Variants in DPCD observed in about 807,000 individuals in gnomAD.
DPCD encodes protein DPCD.
A neutral mutation model predicts 26.4 loss-of-function variants in DPCD; 20 were observed. The observed-to-expected ratio is 0.76, with a 90% CI of 0.53 to 1.10. The LOEUF (loss-of-function observed/expected upper bound fraction) is 1.10, where lower values mean the gene tolerates loss of function less well. Ranked by LOEUF, DPCD falls within the 50% of genes least tolerant of loss-of-function variation. The pLI is 0.00. For missense variants in DPCD, 202 were observed against 253.9 expected, an observed-to-expected ratio of 0.80 and a Z score of 1.39; for synonymous variants, 97 against 94.2, an observed-to-expected ratio of 1.03 and a Z score of -0.17.
intron 5 of DPCD, 128 bp downstream of exon 5, chr10:101,609,065 G>A: frequency 1.2e-6 from 1 of 824,616 alleles, no homozygotes. Context: ...GGGAGAATAG[G>A]CATCTCTAAT....
intron 4 of DPCD, among the ~76,000 whole-genome samples, chr10:101,602,060 G>T (rs2063702537): frequency 1.3e-5 from 2 of 152,228 alleles, no homozygotes; most frequent in Non-Finnish European, 2.9e-5. Flanking sequence ...ACAATGCCCT[G>T]TGTGAGGCCT....
intron 1 of DPCD, among the ~76,000 whole-genome samples, chr10:101,592,523 C>T (rs751010241): frequency 2.6e-5 from 4 of 151,698 alleles, no homozygotes; most frequent in Non-Finnish European, 4.4e-5. Context: ...AGTTTGAGAT[C>T]AGTCTGGGTA....
chr10:101,605,192 G>A (rs1017914665), intron 4 of DPCD: 1 of 1,550,350 alleles, frequency 6.5e-7, no homozygotes, highest in Admixed American at 2.0e-5. Flanking sequence ...GTGTGCAGGT[G>A]TGCATGGCAC....
chr10:101,605,274 G>A, intron 4 of DPCD: 1 of 1,542,458 alleles, frequency 6.5e-7, no homozygotes, highest in Non-Finnish European at 8.7e-7. Flanking sequence ...TCAGCCTCCA[G>A]AGTCTCTCTC....
At chr10:101,608,115 TTAAA>T (rs2063745625) in intron 4 of DPCD, among the ~76,000 whole-genome samples, 2 of 152,134 alleles carry the variant, frequency 1.3e-5, no homozygotes, top group Non-Finnish European at 2.9e-5. Flanking sequence ...TTTTTTTTAA[TTAAA>T]AGGCATCATT....
intron 1 of DPCD, among the ~76,000 whole-genome samples, chr10:101,592,852 A>G (rs916218567): frequency 2.6e-5 from 4 of 151,952 alleles, no homozygotes; most frequent in African/African-American, 9.7e-5. Context: ...TGTGTCTACT[A>G]AAAATACAAA....
At position 101,600,815 on chromosome 10, in the gene DPCD, G is replaced by A. The variant is rs201411239; in HGVS notation, c.223G>A (p.Gly75Arg). ...TGAAGTAGGAGACCCAGCGCCCCTA[G>A]GAGCAGGGAACCTGGGGCCTGAACT... ...QLEVGDPAPL[G>R]AGNLGPELIK... Residue 75 changes from glycine (G) to arginine (R), a missense_variant, in exon 3 of 6, where the codon GGA becomes AGA. Coordinates refer to ENST00000370151, the MANE Select transcript of DPCD (RefSeq NM_015448.3). This position sits in a 1 kb window ranked among gnomAD's most constrained non-coding sequence, Gnocchi z 4.7. The A allele has an allele frequency of 6.2e-7, 1 of 1,614,006 alleles. No homozygotes were observed. Among genetic ancestry groups the A allele is most frequent in the East Asian group, 2.2e-5 (1 of 44,852 alleles).
At chr10:101,598,611 CTTTTTTTTTTTTTTTTT>C (rs71016333) in intron 2 of DPCD, among the ~76,000 whole-genome samples, 4 of 74,952 alleles carry the variant, frequency 5.3e-5, no homozygotes, top group East Asian at 4.2e-4. Flanking sequence ...TAGATGCTTT[CTTTTTTTTTTTTTTTTT>C]TTTTTTTTTT....
At chr10:101,596,191 G>T (rs1267776125) in intron 2 of DPCD, among the ~76,000 whole-genome samples, 1 of 152,196 alleles carries the variant, frequency 6.6e-6, no homozygotes, top group African/African-American at 2.4e-5. Context: ...GGCAGGTGGG[G>T]AATAGACCAT....
intron 4 of DPCD, 33 bp from the exon 5 acceptor site, chr10:101,608,802 G>T (rs375932631): frequency 5.9e-5 from 89 of 1,513,904 alleles, no homozygotes; most frequent in Non-Finnish European, 7.5e-5. Flanking sequence ...TCACCTTGCC[G>T]AGTGCCCCAA....
Position 101,592,738 on chromosome 10 carries a change from G to A in DPCD, c.65-1920G>A, listed in dbSNP as rs181570498. On this transcript the variant is annotated intron_variant, in intron 1 of 5. Transcript: ENST00000370151. Reference sequence around the variant, plus strand: ...CTCTAAAAAAAAGCCTCAGTTGGCCGGGCGTGGTGGCTCATGCCTGTAATC... The same window carrying A: ...CTCTAAAAAAAAGCCTCAGTTGGCCAGGCGTGGTGGCTCATGCCTGTAATC... Among the ~76,000 whole-genome samples the A allele has an allele frequency of 2.8e-4, 41 of 147,788 alleles. No individual in the cohort carries two copies. In the East Asian group the frequency reaches 5.2e-3, roughly 19 times the overall value.
rs71016333 is a variant in DPCD at position 101,598,611 on chromosome 10, C to CTTTTTTTTT, written c.146-2105_146-2097dup. 5.2e-4 allele frequency among the ~76,000 whole-genome samples: 39 copies of CTTTTTTTTT among 74,952 alleles called. 5 individuals carry two copies. Among genetic ancestry groups the CTTTTTTTTT allele is most frequent in the Non-Finnish European group, 6.8e-4 (28 of 41,242 alleles). 49.2% of individuals were successfully genotyped at this position (74,952 alleles called of 152,430 possible). A position where few individuals can be genotyped will look rare whatever the true frequency, so the allele number is the denominator to read the frequency against. On this transcript the variant is annotated intron_variant, in intron 2 of 5. Coordinates refer to ENST00000370151, the MANE Select transcript of DPCD (RefSeq NM_015448.3). ...AATACAGACATTGGGTAGATGCTTT[C>CTTTTTTTTT]TTTTTTTTTTTTTTTTTTTTTTTTT...
intron 1 of DPCD, among the ~76,000 whole-genome samples, chr10:101,593,054 A>T (rs565904030): frequency 1.3e-5 from 2 of 152,006 alleles, no homozygotes; most frequent in African/African-American, 4.8e-5. Flanking sequence ...AAATACAGGT[A>T]ATGAAAACAC....
chr10:101,590,164 G>A (rs1564889674), intron 1 of DPCD, among the ~76,000 whole-genome samples: 1 of 152,158 alleles, frequency 6.6e-6, no homozygotes, highest in South Asian at 2.1e-4. Context: ...ATGTGAAGGT[G>A]TGAAGGTACG....
chr10:101,608,979 G>C, intron 5 of DPCD, 42 bp downstream of exon 5: 1 of 1,499,692 alleles, frequency 6.7e-7, no homozygotes, highest in South Asian at 1.1e-5. Context: ...ATCAGGGAGA[G>C]TCTTCCTCTT....
At chr10:101,588,520 G>A in intron 1 of DPCD, 120 bp downstream of exon 1, 1 of 1,490,844 alleles carries the variant, frequency 6.7e-7, no homozygotes, top group Non-Finnish European at 8.9e-7. Flanking sequence ...GCCGGGCCAG[G>A]TCCTGCATTT....
chr10:101,604,080 G>A (rs747873355), intron 4 of DPCD, among the ~76,000 whole-genome samples: 4 of 152,192 alleles, frequency 2.6e-5, no homozygotes, highest in Non-Finnish European at 5.9e-5. Flanking sequence ...TGGCAGGTGG[G>A]GAAGTGTGGC....
chr10:101,605,343 A>G, intron 4 of DPCD: 2 of 1,373,264 alleles, frequency 1.5e-6, no homozygotes, highest in East Asian at 2.5e-5. Flanking sequence ...TGGGGAGGGG[A>G]TACAGTAGAG....
At chr10:101,608,738 T>C (rs886201959) in intron 4 of DPCD, 97 bp from the exon 5 acceptor site, 2 of 772,678 alleles carry the variant, frequency 2.6e-6, no homozygotes, top group Admixed American at 4.0e-5. Flanking sequence ...GTGGAAGGTG[T>C]GGAAGAACTA....
Sources: allele counts gnomAD v4.1 joint callset (sites outside exome capture counted in the v4.1 genomes callset), GRCh38; gene constraint gnomAD v4.1.1; non-coding constraint Gnocchi (gnomAD v3.1); transcripts MANE v1.5; gene names NCBI Gene and HGNC (gene_info 2026-07-23, HGNC 2026-07-21).